DOCK1: variants seen among roughly 807,000 people sequenced by gnomAD.
The protein encoded by DOCK1 is dedicator of cytokinesis 1.
A neutral mutation model predicts 262.7 loss-of-function variants in DOCK1; 138 were observed. The ratio of observed to expected loss-of-function variants is 0.53; its 90% CI spans 0.46 to 0.61. The LOEUF is 0.61. DOCK1 is among the 20% of genes least tolerant of loss of function. DOCK1 has a pLI of 0.00. For synonymous variants in DOCK1, 866 were observed against 867.4 expected, an observed-to-expected ratio of 1.00 and a Z score of 0.03; for missense variants, 1,908 against 2,370.7, an observed-to-expected ratio of 0.80 and a Z score of 4.05.
At chr10:126,989,274 G>C (rs532303592) in intron 5 of DOCK1, among the ~76,000 whole-genome samples, 2 of 152,082 alleles carry the variant, frequency 1.3e-5, no homozygotes, top group South Asian at 4.1e-4. Flanking sequence ...TTTTAAAAAA[G>C]TGGCAGTGAA....
intron 26 of DOCK1, among the ~76,000 whole-genome samples, 162 bp from the exon 27 acceptor site, chr10:127,127,507 T>C (rs903829464): frequency 6.6e-6 from 1 of 152,192 alleles, no homozygotes; most frequent in South Asian, 2.1e-4. Context: ...ACCCCTGAGT[T>C]TTTTTGTGAG....
At chr10:127,365,801 T>G (rs1033755168) in intron 33 of DOCK1, among the ~76,000 whole-genome samples, 1 of 152,204 alleles carries the variant, frequency 6.6e-6, no homozygotes, top group Non-Finnish European at 1.5e-5. Context: ...GTGCTTCATT[T>G]TCTCCAGTTT....
chr10:127,439,257 C>T lies in DOCK1; in HGVS notation c.5259+32C>T, dbSNP rs573768035. The T allele has an allele frequency of 1.5e-5, 24 of 1,582,398 alleles. 1 individual carries two copies. In the South Asian group the frequency reaches 1.9e-4, roughly 12 times the overall value. Reference sequence around the variant, plus strand: ...CGACAGGGTATCTTTCCTCGCTCTGCGGTAGCTTCAGGGACCTACCTTTGC... The same window carrying T: ...CGACAGGGTATCTTTCCTCGCTCTGTGGTAGCTTCAGGGACCTACCTTTGC... On this transcript the variant is annotated intron_variant, in intron 49 of 51. Coordinates refer to ENST00000623213, the MANE Select transcript of DOCK1 (RefSeq NM_001290223.2).
intron 27 of DOCK1, among the ~76,000 whole-genome samples, chr10:127,193,446 A>T (rs2056888911): frequency 6.6e-6 from 1 of 152,184 alleles, no homozygotes; most frequent in Admixed American, 6.5e-5. Flanking sequence ...CTGACCACAG[A>T]GCTGCTGCTT....
chr10:126,997,975 C>T, intron 7 of DOCK1, 117 bp from the exon 8 acceptor site: 2 of 1,323,794 alleles, frequency 1.5e-6, no homozygotes, highest in East Asian at 5.0e-5. Context: ...TGCACCAAGG[C>T]CTTTGCTGGG....
In DOCK1 at chr10:126,955,369, G is replaced by A. The variant is rs888040496; in HGVS notation, c.47-15333G>A. 2.1e-3 allele frequency among the ~76,000 whole-genome samples: 322 copies of A among 152,270 alleles called. 1 individual carries two copies. Among genetic ancestry groups the A allele is most frequent in the Admixed American group, 7.3e-3 (112 of 15,300 alleles). ...TCAAACTTCTGGCCTCCAATGATCCGCTCACCTTGGCCTCCCAAAGGGCTG... is the reference window on the plus strand; with the variant it reads ...TCAAACTTCTGGCCTCCAATGATCCACTCACCTTGGCCTCCCAAAGGGCTG... On this transcript the variant is annotated intron_variant, in intron 1 of 51. Transcript: ENST00000623213.
intron 43 of DOCK1, among the ~76,000 whole-genome samples, chr10:127,411,664 A>T (rs750393387): frequency 1.3e-5 from 2 of 152,042 alleles, no homozygotes; most frequent in Non-Finnish European, 2.9e-5. Context: ...AACATGGTAA[A>T]ACACTGTCTC....
At chr10:127,262,749 C>T (rs1415679103) in intron 29 of DOCK1, among the ~76,000 whole-genome samples, 1 of 152,178 alleles carries the variant, frequency 6.6e-6, no homozygotes, top group Non-Finnish European at 1.5e-5. Context: ...TGCACGTTTG[C>T]GTTCTGGAGC....
At chr10:126,996,907 C>A in intron 7 of DOCK1, 24 bp downstream of exon 7, 1 of 1,551,732 alleles carries the variant, frequency 6.4e-7, no homozygotes, top group Admixed American at 2.1e-5. Context: ...TGTCATATGC[C>A]ATTCACGTTT....
At chr10:127,125,010 A>G (rs934014886) in intron 25 of DOCK1, among the ~76,000 whole-genome samples, 1 of 152,058 alleles carries the variant, frequency 6.6e-6, no homozygotes, top group African/African-American at 2.4e-5. Flanking sequence ...CCAGCTACTC[A>G]GGAGGCTGAG....
chr10:127,367,974 G>C (rs1171188474), intron 33 of DOCK1, among the ~76,000 whole-genome samples: 1 of 152,262 alleles, frequency 6.6e-6, no homozygotes, highest in South Asian at 2.1e-4. Context: ...CAGCCCTGTG[G>C]CCACTGTCAG....
chr10:127,192,463 A>G (rs1474131981), intron 27 of DOCK1: 1 of 152,186 alleles, frequency 6.6e-6, no homozygotes, highest in Non-Finnish European at 1.5e-5. Flanking sequence ...TCAGGTTAGA[A>G]TGTTTTGTTT....
At chr10:127,144,976 T>C (rs550828645) in intron 27 of DOCK1, among the ~76,000 whole-genome samples, 1 of 152,318 alleles carries the variant, frequency 6.6e-6, no homozygotes, top group South Asian at 2.1e-4. Flanking sequence ...TAGCCAGATA[T>C]CCTAGCTGTA....
chr10:127,180,779 TA>T (rs1409738873), intron 27 of DOCK1, among the ~76,000 whole-genome samples: 2 of 152,148 alleles, frequency 1.3e-5, no homozygotes, highest in Admixed American at 6.6e-5. Context: ...AAAGGATAAT[TA>T]TAGAGATTAT....
At chr10:127,428,292 C>T (rs1302810701) in intron 47 of DOCK1, among the ~76,000 whole-genome samples, 2 of 152,212 alleles carry the variant, frequency 1.3e-5, no homozygotes, top group Non-Finnish European at 2.9e-5. Context: ...CACCAGACAT[C>T]CTGCATATTC....
chr10:127,446,226 G>A lies in DOCK1; in HGVS notation c.5414-1168G>A, dbSNP rs751754269. Among the ~76,000 whole-genome samples the A allele has an allele frequency of 1.5e-4, 23 of 151,636 alleles. No homozygotes were observed. The highest frequency in any genetic ancestry group is 5.3e-4 in the Admixed American group (8 of 15,206). ...GATCGCACCACTGCACTCCAGCCTG[G>A]GCGACACAGCGAGACTCCATCCCAA... On this transcript the variant is annotated intron_variant, in intron 50 of 51. Coordinates refer to ENST00000623213, the MANE Select transcript of DOCK1 (RefSeq NM_001290223.2). The surrounding 1 kb of genome is among the most constrained non-coding windows in gnomAD (Gnocchi z 4.4).
chr10:127,296,923 G>A (rs887346477), intron 29 of DOCK1, among the ~76,000 whole-genome samples: 1 of 152,192 alleles, frequency 6.6e-6, no homozygotes, highest in Non-Finnish European at 1.5e-5. Context: ...CTGGAGGTGG[G>A]ACCATTTGAG....
At position 127,279,072 on chromosome 10, in the gene DOCK1, A is replaced by C. The variant is rs530270255; in HGVS notation, c.3044+21643A>C. ...TGTTGTTCCTCCTTTATAGTTAATT[A>C]ATAATTTTCCAGTGTAGCGTTTCCT... is the stretch of plus-strand genomic sequence containing the variant. On this transcript the variant is annotated intron_variant, in intron 29 of 51. Coordinates refer to ENST00000623213, the MANE Select transcript of DOCK1 (RefSeq NM_001290223.2). 4.6e-5 allele frequency among the ~76,000 whole-genome samples: 7 copies of C among 152,334 alleles called. No individual in the cohort carries two copies. The South Asian group carries it at 8.3e-4, about 18-fold the overall frequency.
chr10:126,915,571 A>G (rs1313903119), intron 1 of DOCK1, among the ~76,000 whole-genome samples: 1 of 152,094 alleles, frequency 6.6e-6, no homozygotes, highest in African/African-American at 2.4e-5. Flanking sequence ...GGTGTGCACC[A>G]CCGCATCTGG....
Sources: allele counts gnomAD v4.1 joint callset (sites outside exome capture counted in the v4.1 genomes callset), GRCh38; gene constraint gnomAD v4.1.1; non-coding constraint Gnocchi (gnomAD v3.1); transcripts MANE v1.5; gene names NCBI Gene and HGNC (gene_info 2026-07-23, HGNC 2026-07-21).